PTPRD: variants seen among roughly 807,000 people sequenced by gnomAD.
PTPRD encodes receptor-type tyrosine-protein phosphatase delta.
Under a neutral mutation model 214.5 loss-of-function variants are expected in PTPRD, and 34 were observed. The observed-to-expected ratio is 0.16, with a 90% CI of 0.12 to 0.21. The LOEUF (loss-of-function observed/expected upper bound fraction) is 0.21. Ranked by LOEUF, PTPRD falls within the 10% of genes least tolerant of loss-of-function variation. PTPRD has a pLI of 1.00. For synonymous variants in PTPRD, 1,128 were observed against 845.7 expected (o/e 1.33, Z -5.79); for missense variants, 2,545 against 2,398.7 (o/e 1.06, Z -1.27).
intron 7 of PTPRD, among the ~76,000 whole-genome samples, chr9:9,732,097 G>A (rs1447190930): frequency 6.6e-6 from 1 of 152,044 alleles, no homozygotes; most frequent in Admixed American, 6.6e-5. Flanking sequence ...CTTGAATTTG[G>A]CCTTGAGGAA....
intron 2 of PTPRD, among the ~76,000 whole-genome samples, chr9:10,416,591 T>C (rs750227258): frequency 2.0e-5 from 3 of 151,744 alleles, no homozygotes; most frequent in African/African-American, 2.4e-5. Flanking sequence ...ACAGTGAAAA[T>C]TGTCAAATAT....
At chr9:9,163,176 G>T (rs749361332) in intron 10 of PTPRD, among the ~76,000 whole-genome samples, 1 of 152,074 alleles carries the variant, frequency 6.6e-6, no homozygotes, top group African/African-American at 2.4e-5. Context: ...CACTCCCAAA[G>T]CTTCAAAATC....
At chr9:10,367,408 C>T (rs191368802) in intron 2 of PTPRD, among the ~76,000 whole-genome samples, 199 of 152,234 alleles carry the variant, frequency 1.3e-3, no homozygotes, top group South Asian at 2.9e-3. Flanking sequence ...TCCTTGCCTA[C>T]CTCTTTACCT....
At chr9:9,228,537 T>C (rs970718007) in intron 9 of PTPRD, among the ~76,000 whole-genome samples, 11 of 152,208 alleles carry the variant, frequency 7.2e-5, no homozygotes, top group African/African-American at 2.4e-4. Flanking sequence ...TACTACTGTA[T>C]CTTTTTTTTC....
At chr9:9,055,897 C>T in intron 10 of PTPRD, among the ~76,000 whole-genome samples, 1 of 151,556 alleles carries the variant, frequency 6.6e-6, no homozygotes, top group East Asian at 1.9e-4. Context: ...GAACACTAGT[C>T]TGGTATTCTC....
At chr9:8,349,335 C>T (rs1222355595) in intron 39 of PTPRD, among the ~76,000 whole-genome samples, 1 of 152,072 alleles carries the variant, frequency 6.6e-6, no homozygotes, top group Non-Finnish European at 1.5e-5. Flanking sequence ...TTTGAATTTC[C>T]AAGTTCCCAC....
intron 6 of PTPRD, among the ~76,000 whole-genome samples, chr9:9,737,096 G>T (rs1348515452): frequency 6.6e-6 from 1 of 151,826 alleles, no homozygotes; most frequent in Non-Finnish European, 1.5e-5. Flanking sequence ...ATTTTGAGTT[G>T]GGGTAAAATT....
intron 3 of PTPRD, among the ~76,000 whole-genome samples, chr9:10,193,511 G>A (rs1033703219): frequency 1.3e-5 from 2 of 152,122 alleles, no homozygotes; most frequent in Non-Finnish European, 2.9e-5. Flanking sequence ...TGTAAAAGCG[G>A]GGGTGGGAGG....
chr9:8,745,015 T>G (rs1598534405), intron 11 of PTPRD, among the ~76,000 whole-genome samples: 1 of 152,304 alleles, frequency 6.6e-6, no homozygotes, highest in South Asian at 2.1e-4. Context: ...AAATACACTC[T>G]TCACTTCTCT....
At chr9:9,649,634 G>A (rs977824854) in intron 7 of PTPRD, among the ~76,000 whole-genome samples, 8 of 152,094 alleles carry the variant, frequency 5.3e-5, no homozygotes, top group African/African-American at 1.9e-4. Context: ...TCACATCAAC[G>A]ATCATATCTG....
At chr9:9,439,134 C>T (rs952310455) in intron 8 of PTPRD, among the ~76,000 whole-genome samples, 2 of 151,908 alleles carry the variant, frequency 1.3e-5, no homozygotes, top group Non-Finnish European at 2.9e-5. Context: ...ATATATATGG[C>T]TTATATGACT....
intron 14 of PTPRD, among the ~76,000 whole-genome samples, chr9:8,619,507 T>C (rs1255467650): frequency 1.3e-5 from 2 of 151,966 alleles, no homozygotes; most frequent in Non-Finnish European, 2.9e-5. Flanking sequence ...TATAAAGAGG[T>C]ATAACAACCA....
At chr9:9,177,499 A>G (rs2099925625) in intron 10 of PTPRD, among the ~76,000 whole-genome samples, 1 of 152,178 alleles carries the variant, frequency 6.6e-6, no homozygotes, top group South Asian at 2.1e-4. Context: ...AATATATTGC[A>G]TAATTAGAAA....
intron 2 of PTPRD, among the ~76,000 whole-genome samples, chr9:10,439,331 T>A (rs1183334367): frequency 6.6e-6 from 1 of 151,766 alleles, no homozygotes; most frequent in East Asian, 1.9e-4. Flanking sequence ...TGGCAACTAA[T>A]GCTATCGTCA....
In PTPRD at chr9:9,618,071, C is replaced by CAAAAAAAAAAAAAAAAAAAAAAAAAA. The variant is rs34125624; in HGVS notation, c.-286-43316_-286-43291dup. ...TGGGCGACAGAGCGAGACTCCATCTCAAAAAAAAAAAAAAAAAAAAAAAAA... is the reference window on the plus strand; with the variant it reads ...TGGGCGACAGAGCGAGACTCCATCTCAAAAAAAAAAAAAAAAAAAAAAAAAAAAAAAAAAAAAAAAAAAAAAAAAAA... On this transcript the variant is annotated intron_variant, in intron 7 of 45. Transcript: ENST00000381196. Among the ~76,000 whole-genome samples the CAAAAAAAAAAAAAAAAAAAAAAAAAA allele has an allele frequency of 5.6e-4, 13 of 23,030 alleles. 1 individual carries two copies. Among genetic ancestry groups the CAAAAAAAAAAAAAAAAAAAAAAAAAA allele is most frequent in the Admixed American group, 2.8e-3 (3 of 1,068 alleles). 15.1% of individuals were successfully genotyped at this position (23,030 alleles called of 152,430 possible).
intron 14 of PTPRD, among the ~76,000 whole-genome samples, chr9:8,556,265 T>C (rs1227308245): frequency 1.3e-5 from 2 of 152,232 alleles, no homozygotes; most frequent in East Asian, 1.9e-4. Flanking sequence ...CCAGAGCATA[T>C]GTCATAACTA....
intron 11 of PTPRD, among the ~76,000 whole-genome samples, chr9:8,760,489 A>C (rs2094341292): frequency 6.6e-6 from 1 of 152,010 alleles, no homozygotes. Context: ...TAATATCCCC[A>C]CCTACTCATT....
chr9:8,328,061 A>ATGATGTTTGC (rs1352843098), intron 44 of PTPRD, among the ~76,000 whole-genome samples: 2 of 152,150 alleles, frequency 1.3e-5, no homozygotes, highest in Non-Finnish European at 2.9e-5. Flanking sequence ...TCCTGTCATT[A>ATGATGTTTGC]TGATGTTTGC....
At chr9:10,291,420 G>A (rs1436862402) in intron 3 of PTPRD, among the ~76,000 whole-genome samples, 1 of 152,140 alleles carries the variant, frequency 6.6e-6, no homozygotes, top group Non-Finnish European at 1.5e-5. Context: ...AGATGATTAA[G>A]GGAAGATATT....
Sources: allele counts gnomAD v4.1 joint callset (sites outside exome capture counted in the v4.1 genomes callset), GRCh38; gene constraint gnomAD v4.1.1; transcripts MANE v1.5; gene names NCBI Gene and HGNC (gene_info 2026-07-23, HGNC 2026-07-21).